Variants in ZEB1 observed in about 807,000 individuals in gnomAD.
The protein encoded by ZEB1 is zinc finger E-box binding homeobox 1.
In ZEB1, 21 loss-of-function variants were observed where a neutral mutation model predicts 84.9. The ratio of observed to expected loss-of-function variants is 0.25; its 90% CI spans 0.18 to 0.36. The LOEUF (loss-of-function observed/expected upper bound fraction) is 0.36, where lower values mean the gene tolerates loss of function less well. ZEB1 is among the 10% of genes least tolerant of loss of function. ZEB1 has a pLI of 1.00. For synonymous variants in ZEB1, 420 were observed against 471.1 expected, an observed-to-expected ratio of 0.89 and a Z score of 1.41; for missense variants, 1,104 against 1,330.2, an observed-to-expected ratio of 0.83 and a Z score of 2.65.
intron 1 of ZEB1, among the ~76,000 whole-genome samples, chr10:31,459,720 A>G (rs1564953003): frequency 6.6e-6 from 1 of 151,978 alleles, no homozygotes; most frequent in African/African-American, 2.4e-5. Flanking sequence ...TCTTTTGGAC[A>G]AGAGTCTTCC....
At chr10:31,457,198 G>A (rs1182612975) in intron 1 of ZEB1, among the ~76,000 whole-genome samples, 2 of 152,034 alleles carry the variant, frequency 1.3e-5, no homozygotes, top group Non-Finnish European at 2.9e-5. Flanking sequence ...AACAGTTCAG[G>A]GGTATAGAGA....
intron 1 of ZEB1, among the ~76,000 whole-genome samples, chr10:31,443,597 A>G (rs1322510312): frequency 8.0e-6 from 1 of 125,298 alleles, no homozygotes; most frequent in Non-Finnish European, 1.6e-5. Context: ...AGAGTGTGAT[A>G]TTCCCCTTCC....
chr10:31,320,967 C>G (rs1425335109), intron 1 of ZEB1, among the ~76,000 whole-genome samples: 1 of 152,150 alleles, frequency 6.6e-6, no homozygotes, highest in Non-Finnish European at 1.5e-5. Context: ...CATTTCGGAC[C>G]GAGGGGCTCG....
chr10:31,371,931 T>C (rs1028060764), intron 1 of ZEB1, among the ~76,000 whole-genome samples: 2 of 152,144 alleles, frequency 1.3e-5, no homozygotes, highest in African/African-American at 2.4e-5. Flanking sequence ...TATTCTCTTA[T>C]ATAATGCCTT....
intron 2 of ZEB1, among the ~76,000 whole-genome samples, chr10:31,495,425 G>GT (rs751379678): frequency 6.8e-4 from 104 of 151,888 alleles, no homozygotes; most frequent in African/African-American, 2.4e-3. Context: ...AGATATCTTC[G>GT]TGAGTTTGGT....
At position 31,510,598 on chromosome 10, in the gene ZEB1, A is replaced by G. The variant is rs562583274; in HGVS notation, c.485-75A>G. The G allele has an allele frequency of 1.9e-5, 23 of 1,217,622 alleles. No homozygotes were observed. In the African/African-American group the frequency reaches 2.6e-4, roughly 14 times the overall value. 75.4% of individuals were successfully genotyped at this position (1,217,622 alleles called of 1,614,324 possible). On this transcript the variant is annotated intron_variant, in intron 4 of 8. Transcript: ENST00000424869. ...GGTAGCACAATATCTGGAACATAGC[A>G]TAGGGACTCAGTGGAAACTTTGGTA... is the stretch of plus-strand genomic sequence containing the variant.
chr10:31,469,454 CG>C (rs1437510239), intron 2 of ZEB1, among the ~76,000 whole-genome samples: 9 of 152,200 alleles, frequency 5.9e-5, no homozygotes, highest in African/African-American at 2.2e-4. Context: ...GGGTGACAGA[CG>C]GCACCTGGAA....
intron 1 of ZEB1, among the ~76,000 whole-genome samples, chr10:31,446,799 C>G (rs944461698): frequency 4.0e-5 from 6 of 150,782 alleles, no homozygotes; most frequent in African/African-American, 1.5e-4. Context: ...AATTTCTGTT[C>G]TTTTACATTT....
chr10:31,357,905 G>A (rs566864032), intron 1 of ZEB1, among the ~76,000 whole-genome samples: 1 of 152,142 alleles, frequency 6.6e-6, no homozygotes, highest in African/African-American at 2.4e-5. Flanking sequence ...CCAAATGGCT[G>A]CTGGCTGCAA....
At chr10:31,440,648 T>C (rs577433312) in intron 1 of ZEB1, among the ~76,000 whole-genome samples, 3 of 152,178 alleles carry the variant, frequency 2.0e-5, no homozygotes, top group East Asian at 3.9e-4. Flanking sequence ...GATTGTATAT[T>C]TAGAAAACCC....
chr10:31,341,235 A>C (rs1461859106), intron 1 of ZEB1, among the ~76,000 whole-genome samples: 1 of 152,150 alleles, frequency 6.6e-6, no homozygotes, highest in African/African-American at 2.4e-5. Context: ...AGTTAGCTTG[A>C]TAAGAGGTGA....
chr10:31,472,051 C>T (rs1166079679), intron 2 of ZEB1, among the ~76,000 whole-genome samples: 4 of 149,306 alleles, frequency 2.7e-5, no homozygotes, highest in African/African-American at 1.0e-4. Flanking sequence ...CTCTGGGACA[C>T]ATTCAAAGCA....
intron 4 of ZEB1, among the ~76,000 whole-genome samples, chr10:31,506,109 A>G (rs2139365882): frequency 6.6e-6 from 1 of 151,982 alleles, no homozygotes; most frequent in Non-Finnish European, 1.5e-5. Flanking sequence ...CTATAGTTGT[A>G]TTACTTTGTG....
At chr10:31,328,305 G>A (rs4567354) in intron 1 of ZEB1, among the ~76,000 whole-genome samples, 151,230 of 152,274 alleles carry the variant, frequency 0.99, 75,101 homozygotes, top group Middle Eastern at 1. Context: ...CACCCTGGCC[G>A]GGTTACTTAG....
At chr10:31,323,844 A>G (rs569015384) in intron 1 of ZEB1, among the ~76,000 whole-genome samples, 1 of 152,086 alleles carries the variant, frequency 6.6e-6, no homozygotes, top group Admixed American at 6.5e-5. Context: ...TGGTGTTTTT[A>G]TAAATGCATC....
intron 1 of ZEB1, among the ~76,000 whole-genome samples, chr10:31,326,955 G>A (rs562914393): frequency 1.8e-4 from 27 of 151,996 alleles, no homozygotes; most frequent in African/African-American, 6.5e-4. Flanking sequence ...TCCTACCTTG[G>A]ACCCAATCTA....
intron 2 of ZEB1, among the ~76,000 whole-genome samples, chr10:31,479,832 T>A (rs2064801708): frequency 6.6e-6 from 1 of 151,900 alleles, no homozygotes; most frequent in African/African-American, 2.4e-5. Flanking sequence ...CTAGGACATG[T>A]TTGTTATTAA....
intron 1 of ZEB1, among the ~76,000 whole-genome samples, chr10:31,347,854 A>C (rs2040591812): frequency 6.6e-6 from 1 of 152,176 alleles, no homozygotes. Flanking sequence ...CCTCACAGTA[A>C]ATTATTACTA....
At chr10:31,490,733 C>T (rs2066413535) in intron 2 of ZEB1, among the ~76,000 whole-genome samples, 1 of 151,722 alleles carries the variant, frequency 6.6e-6, no homozygotes, top group Non-Finnish European at 1.5e-5. Flanking sequence ...TGATTCTTCA[C>T]ATGCCAAGTA....
Sources: gnomAD v4.1 joint callset for allele counts (sites outside exome capture counted in the v4.1 genomes callset) on GRCh38, gnomAD v4.1.1 for gene constraint, MANE v1.5 for transcripts, NCBI Gene and HGNC (gene_info 2026-07-23, HGNC 2026-07-21) for gene names.